HHLA1: variants seen among roughly 807,000 people sequenced by gnomAD.
HHLA1 encodes the protein HHLA1 neighbor of OC90, also known as HERV-H LTR-associating protein 1.
In HHLA1, 72 loss-of-function variants were observed where a neutral mutation model predicts 69.9. The observed-to-expected ratio is 1.03, with a 90% CI of 0.85 to 1.25. The LOEUF is 1.25. Among genes scored for constraint, HHLA1 ranks in the 50% most tolerant of loss-of-function variants. The pLI is 0.00. For missense variants in HHLA1, 685 were observed against 642.2 expected (o/e 1.07, Z -0.72); for synonymous variants, 252 against 233.2 (o/e 1.08, Z -0.73).
chr8:132,107,035 T>C (rs919660032), intron 1 of HHLA1, among the ~76,000 whole-genome samples: 53 of 152,328 alleles, frequency 3.5e-4, no homozygotes, highest in African/African-American at 1.2e-3. Flanking sequence ...ATCTCTGGAA[T>C]ATGGTAGATA....
rs891687225 is a variant in HHLA1 at position 132,063,157 on chromosome 8, C to G, written c.*838G>C. 1 of 152,216 alleles carries G rather than the reference C, an allele frequency of 6.6e-6. No homozygotes were observed. Among genetic ancestry groups the G allele is most frequent in the Non-Finnish European group, 1.5e-5 (1 of 68,048 alleles). 9.4% of individuals were successfully genotyped at this position (152,216 alleles called of 1,614,324 possible). A position where few individuals can be genotyped will look rare whatever the true frequency, so the allele number is the denominator to read the frequency against. On this transcript the variant is annotated 3_prime_UTR_variant, in exon 17 of 17. Transcript: ENST00000414222. ...GGAGGATTAGATGCTGACTGTGCAA[C>G]CCCACTGGAAGCTTGTGCCTGGGCT...
At chr8:132,088,694 G>A (rs1029880628) in intron 8 of HHLA1, among the ~76,000 whole-genome samples, 11 of 152,170 alleles carry the variant, frequency 7.2e-5, no homozygotes, top group African/African-American at 2.7e-4. Flanking sequence ...ATATATATTA[G>A]GATAGTGACA....
At chr8:132,078,234 CA>C (rs1823682216) in intron 11 of HHLA1, among the ~76,000 whole-genome samples, 1 of 151,684 alleles carries the variant, frequency 6.6e-6, no homozygotes, top group Non-Finnish European at 1.5e-5. Flanking sequence ...TCTAGGACCC[CA>C]GGCGTGTGTG....
rs1824009913 is a variant in HHLA1, at chr8:132,095,590, T to A, written c.377A>T (p.Lys126Met). Reference protein sequence around the residue: ...SVAVYNISNLKTVDPAKFPTR... With the variant: ...SVAVYNISNLMTVDPAKFPTR... Reference sequence around the variant, plus strand: ...GGGGAATTTGGCGGGGTCTACTGTCTTCAGGTTAGAAACTGTGAAGAGAAA... The same window carrying A: ...GGGGAATTTGGCGGGGTCTACTGTCATCAGGTTAGAAACTGTGAAGAGAAA... The change falls in exon 7 of 17, where the codon AAG becomes ATG. Residue 126 changes from lysine (K) to methionine (M), a missense_variant. Transcript: ENST00000414222. 1 of 1,547,910 alleles carries A rather than the reference T, an allele frequency of 6.5e-7. No homozygotes were observed. Among genetic ancestry groups the A allele is most frequent in the Non-Finnish European group, 8.7e-7 (1 of 1,143,452 alleles).
At chr8:132,087,203 C>G (rs927119531) in intron 10 of HHLA1, among the ~76,000 whole-genome samples, 2 of 152,276 alleles carry the variant, frequency 1.3e-5, no homozygotes, top group African/African-American at 2.4e-5. Flanking sequence ...ATGGAGACAA[C>G]AGCATGCCCA....
At chr8:132,093,802 G>C (rs182313955) in intron 7 of HHLA1, among the ~76,000 whole-genome samples, 2 of 152,138 alleles carry the variant, frequency 1.3e-5, no homozygotes, top group Admixed American at 1.3e-4. Context: ...CCTCAGCAGG[G>C]GTTAATGAAA....
intron 15 of HHLA1, among the ~76,000 whole-genome samples, chr8:132,068,398 T>C (rs1189119345): frequency 1.3e-5 from 2 of 152,200 alleles, no homozygotes; most frequent in Non-Finnish European, 2.9e-5. Context: ...CAGTGATAAA[T>C]GAACAATAGA....
In HHLA1 at chr8:132,104,166, C is replaced by T. The variant is rs1475613657; in HGVS notation, c.81G>A (p.Val27=). The T allele has an allele frequency of 7.1e-6, 11 of 1,548,570 alleles. No individual in the cohort carries two copies. The highest frequency in any genetic ancestry group is 4.9e-5 in the East Asian group (2 of 40,880). Residue 27 remains valine (V), a splice_region_variant and synonymous_variant, in exon 3 of 17, where the codon GTG becomes GTA. Coordinates refer to ENST00000414222, the MANE Select transcript of HHLA1 (RefSeq NM_001145095.3). ...TCTTGGCTTCTCCTTTGATGCCAGACACTAAAGTAAAAAAGGTTTAATCAC... is the reference window on the plus strand; with the variant it reads ...TCTTGGCTTCTCCTTTGATGCCAGATACTAAAGTAAAAAAGGTTTAATCAC... ...LACVLSLWNT[V]SGIKGEAKKE... is the part of the protein sequence containing the mutation.
intron 8 of HHLA1, among the ~76,000 whole-genome samples, chr8:132,089,149 A>T (rs1040591445): frequency 1.3e-5 from 2 of 152,170 alleles, no homozygotes; most frequent in Non-Finnish European, 1.5e-5. Context: ...TATAGATTTA[A>T]ACCTGAATTC....
chr8:132,097,055 G>A (rs1049347019), intron 5 of HHLA1, among the ~76,000 whole-genome samples: 10 of 152,258 alleles, frequency 6.6e-5, no homozygotes, highest in African/African-American at 1.4e-4. Flanking sequence ...TTTGGTGCAC[G>A]CAAATCACCA....
At chr8:132,101,323 C>T (rs1273094190) in intron 3 of HHLA1, 4 of 1,542,494 alleles carry the variant, frequency 2.6e-6, no homozygotes, top group African/African-American at 1.4e-5. Flanking sequence ...AGTACAGCCT[C>T]AAACAGTTCA....
rs898472529 is a variant in HHLA1, at chr8:132,080,135, A to G, written c.677-169T>C. The G allele has an allele frequency of 8.5e-6, 8 of 943,540 alleles. No homozygotes were observed. The African/African-American group carries it at 1.3e-4, about 15-fold the overall frequency. The allele number at this position is 943,540 out of a possible 1,614,324, so 58.4% of individuals were successfully genotyped here. On this transcript the variant is annotated intron_variant, in intron 10 of 16. Transcript: ENST00000414222. ...CTGAACAGATTCTGACCCCTGTCAG[A>G]GCCTTTCTTCCACCTCCAGCCCTCA...
intron 4 of HHLA1, among the ~76,000 whole-genome samples, chr8:132,099,480 G>T (rs73710825): frequency 0.016 from 2,417 of 152,206 alleles, 63 homozygotes; most frequent in African/African-American, 0.055. Flanking sequence ...AATGGAGGGA[G>T]AAATCTCCCA....
rs768730646 is a variant in HHLA1, at chr8:132,062,858, T to G, written c.*1137A>C. The stretch of plus-strand genomic sequence containing the variant: ...CTCCTGGGGAATCCCCTGTAAATCC[T>G]TGGAATATCCTGCCTGATGAGTGTC... On this transcript the variant is annotated 3_prime_UTR_variant, in exon 17 of 17. Coordinates refer to ENST00000414222, the MANE Select transcript of HHLA1 (RefSeq NM_001145095.3). The G allele has an allele frequency of 6.6e-6, 1 of 152,242 alleles. No homozygotes were observed. The highest frequency in any genetic ancestry group is 1.5e-5 in the Non-Finnish European group (1 of 68,090). The allele number at this position is 152,242 out of a possible 1,614,324, so 9.4% of individuals were successfully genotyped here. A position where few individuals can be genotyped will look rare whatever the true frequency, so the allele number is the denominator to read the frequency against.
At chr8:132,108,715 G>T (rs1451042627) in intron 1 of HHLA1, among the ~76,000 whole-genome samples, 1 of 152,004 alleles carries the variant, frequency 6.6e-6, no homozygotes, top group Non-Finnish European at 1.5e-5. Context: ...CCTTCTTGGA[G>T]CTTCTCCTAC....
intron 12 of HHLA1, 92 bp downstream of exon 12, chr8:132,077,634 A>G (rs188978201): frequency 1.0e-4 from 133 of 1,307,646 alleles, no homozygotes; most frequent in East Asian, 3.0e-4. Flanking sequence ...CTGTGTGTGT[A>G]TTATATTCCA....
At chr8:132,083,921 C>T (rs903612027) in intron 10 of HHLA1, among the ~76,000 whole-genome samples, 17 of 151,902 alleles carry the variant, frequency 1.1e-4, no homozygotes, top group South Asian at 2.1e-4. Context: ...TATTTAATGT[C>T]GGGAGCAGAT....
intron 7 of HHLA1, among the ~76,000 whole-genome samples, chr8:132,090,810 G>A (rs568936668): frequency 5.5e-5 from 8 of 144,794 alleles, no homozygotes; most frequent in South Asian, 4.3e-4. Context: ...CCAGGCTGGC[G>A]TGCAGTGGCG....
chr8:132,103,187 A>G (rs796691674), intron 3 of HHLA1, among the ~76,000 whole-genome samples: 2 of 152,350 alleles, frequency 1.3e-5, no homozygotes, highest in African/African-American at 4.8e-5. Flanking sequence ...AAGTTATCCT[A>G]CTTACACACA....
Sources: gnomAD v4.1 joint callset for allele counts (sites outside exome capture counted in the v4.1 genomes callset) on GRCh38, gnomAD v4.1.1 for gene constraint, MANE v1.5 for transcripts, NCBI Gene and HGNC (gene_info 2026-07-23, HGNC 2026-07-21) for gene names.